TRPM3: variants seen among roughly 807,000 people sequenced by gnomAD.
TRPM3 encodes the protein transient receptor potential cation channel subfamily M member 3, also known as long transient receptor potential channel 3.
TRPM3 carries 77 observed loss-of-function variants against 181.2 expected under a neutral mutation model. The observed-to-expected ratio is 0.42, with a 90% CI of 0.35 to 0.51. The LOEUF is 0.51. Ranked by LOEUF, TRPM3 falls within the 20% of genes least tolerant of loss-of-function variation. The pLI is 0.01. For synonymous variants in TRPM3, 745 were observed against 796.4 expected (o/e 0.94, Z 1.09); for missense variants, 1,759 against 2,196.7 (o/e 0.80, Z 3.98).
chr9:70,788,003 TGAC>T (rs1442535991), intron 6 of TRPM3, among the ~76,000 whole-genome samples: 1 of 118,718 alleles, frequency 8.4e-6, no homozygotes, highest in African/African-American at 3.7e-5. Flanking sequence ...CTCACTATCC[TGAC>T]TTTTTTTTTT....
At chr9:71,273,939 T>C (rs1239678986) in intron 1 of TRPM3, among the ~76,000 whole-genome samples, 1 of 152,222 alleles carries the variant, frequency 6.6e-6, no homozygotes, top group Non-Finnish European at 1.5e-5. Flanking sequence ...ATTTGATCCC[T>C]GACTATAATA....
chr9:71,022,374 C>T (rs80110531), intron 1 of TRPM3, among the ~76,000 whole-genome samples: 4,840 of 152,106 alleles, frequency 0.032, 267 homozygotes, highest in African/African-American at 0.11. Flanking sequence ...CAACCTAAAC[C>T]TCATGTGTCA....
rs930795526 is a variant in TRPM3 at position 70,531,579 on chromosome 9, A to G, written c.*4374T>C. 2 of 152,242 alleles carry G rather than the reference A, an allele frequency of 1.3e-5. No individual in the cohort carries two copies. Among genetic ancestry groups the G allele is most frequent in the Non-Finnish European group, 2.9e-5 (2 of 68,040 alleles). The allele number at this position is 152,242 out of a possible 1,614,324, so 9.4% of individuals were successfully genotyped here. On this transcript the variant is annotated 3_prime_UTR_variant, in exon 26 of 26. Transcript: ENST00000677713. ...GATAGTGAGTTATAATGCAATATCT[A>G]GGCCAAATATATAACCACCTACACA... is the stretch of plus-strand genomic sequence containing the variant.
chr9:71,316,149 A>AC (rs2088567179), intron 1 of TRPM3, among the ~76,000 whole-genome samples: 1 of 152,214 alleles, frequency 6.6e-6, no homozygotes, highest in African/African-American at 2.4e-5. Context: ...ATATTGAATG[A>AC]ACAAAGAGGA....
chr9:70,621,113 T>A (rs1314762023), intron 15 of TRPM3, 131 bp downstream of exon 15: 7 of 223,718 alleles, frequency 3.1e-5, no homozygotes, highest in East Asian at 1.3e-4. Flanking sequence ...ATATATATAT[T>A]ATATATAGTA....
At chr9:70,872,768 C>A (rs993382032) in intron 1 of TRPM3, among the ~76,000 whole-genome samples, 2 of 151,886 alleles carry the variant, frequency 1.3e-5, no homozygotes, top group Non-Finnish European at 2.9e-5. Context: ...GATGTGGCCC[C>A]AGCACCTAGA....
chr9:71,312,087 A>T (rs2088005743), intron 1 of TRPM3, among the ~76,000 whole-genome samples: 1 of 152,182 alleles, frequency 6.6e-6, no homozygotes, highest in Non-Finnish European at 1.5e-5. Flanking sequence ...TTAAAATTTA[A>T]AACTTCTTCT....
At chr9:71,033,960 T>C (rs986290601) in intron 1 of TRPM3, among the ~76,000 whole-genome samples, 1 of 152,058 alleles carries the variant, frequency 6.6e-6, no homozygotes, top group East Asian at 1.9e-4. Context: ...ACTGGGACTG[T>C]GTAGACATGC....
At chr9:70,822,115 C>G (rs899498686) in intron 6 of TRPM3, among the ~76,000 whole-genome samples, 15 of 152,196 alleles carry the variant, frequency 9.9e-5, no homozygotes, top group African/African-American at 2.9e-4. Flanking sequence ...AGAGAATCAC[C>G]TTATCTTTCC....
intron 9 of TRPM3, among the ~76,000 whole-genome samples, chr9:70,672,183 T>A (rs1310124911): frequency 6.6e-6 from 1 of 152,146 alleles, no homozygotes; most frequent in East Asian, 1.9e-4. Flanking sequence ...TAACCCCATC[T>A]CTCATTCCAC....
chr9:70,791,017 C>G (rs1348125266), intron 6 of TRPM3, among the ~76,000 whole-genome samples: 1 of 152,134 alleles, frequency 6.6e-6, no homozygotes. Context: ...CTCATTTTAA[C>G]TAGAATGTCT....
intron 7 of TRPM3, among the ~76,000 whole-genome samples, chr9:70,782,799 G>C (rs1386004077): frequency 1.3e-5 from 2 of 151,292 alleles, no homozygotes; most frequent in Non-Finnish European, 2.9e-5. Context: ...ATTATTTTTT[G>C]GTTTCAGAGC....
chr9:71,182,606 C>A (rs906162619), intron 1 of TRPM3, among the ~76,000 whole-genome samples: 27 of 152,240 alleles, frequency 1.8e-4, no homozygotes, highest in Admixed American at 1.8e-3. Context: ...TCAAATTCAA[C>A]ATAATAAAAC....
intron 22 of TRPM3, among the ~76,000 whole-genome samples, chr9:70,563,259 T>C (rs1032434309): frequency 6.6e-6 from 1 of 152,200 alleles, no homozygotes; most frequent in African/African-American, 2.4e-5. Context: ...TGGCAGGTGA[T>C]TGAGCCCAGC....
chr9:70,666,531 T>C (rs910317437), intron 9 of TRPM3, among the ~76,000 whole-genome samples: 11 of 152,240 alleles, frequency 7.2e-5, no homozygotes, highest in Admixed American at 2.0e-4. Context: ...TAGGCCTAGA[T>C]TGAAAATACA....
chr9:71,007,959 G>A (rs2097697564), intron 1 of TRPM3, among the ~76,000 whole-genome samples: 1 of 151,912 alleles, frequency 6.6e-6, no homozygotes, highest in Non-Finnish European at 1.5e-5. Flanking sequence ...GATTTAAAAA[G>A]TAATACAAAA....
intron 1 of TRPM3, among the ~76,000 whole-genome samples, chr9:70,906,007 C>T (rs2096459889): frequency 6.6e-6 from 1 of 152,094 alleles, no homozygotes. Flanking sequence ...CAGGTGGGAG[C>T]CACCTAGGCC....
At chr9:71,204,443 C>T (rs1189157420) in intron 1 of TRPM3, among the ~76,000 whole-genome samples, 1 of 152,142 alleles carries the variant, frequency 6.6e-6, no homozygotes, top group African/African-American at 2.4e-5. Context: ...ATTTATGCAG[C>T]CAAAAGACAC....
intron 12 of TRPM3, among the ~76,000 whole-genome samples, chr9:70,631,039 GTTCC>G (rs1257704959): frequency 1.3e-5 from 2 of 152,136 alleles, no homozygotes; most frequent in Admixed American, 6.6e-5. Flanking sequence ...AACAAGATTG[GTTCC>G]TTCTGAGATA....
Sources: allele counts gnomAD v4.1 joint callset (sites outside exome capture counted in the v4.1 genomes callset), GRCh38; gene constraint gnomAD v4.1.1; transcripts MANE v1.5; gene names NCBI Gene and HGNC (gene_info 2026-07-23, HGNC 2026-07-21).